Variants in SORBS2 observed in about 807,000 individuals in gnomAD.
SORBS2 encodes the protein sorbin and SH3 domain containing 2, also known as sorbin and SH3 domain-containing protein 2.
SORBS2 carries 46 observed loss-of-function variants against 97.7 expected under a neutral mutation model. The observed-to-expected ratio is 0.47, with a 90% CI of 0.37 to 0.60. The LOEUF (loss-of-function observed/expected upper bound fraction) is 0.60. SORBS2 is among the 20% of genes least tolerant of loss of function. SORBS2 has a pLI of 0.00. For missense variants in SORBS2, 1,316 were observed against 1,282.3 expected (o/e 1.03, Z -0.40); for synonymous variants, 476 against 473.4 (o/e 1.01, Z -0.07).
intron 1 of SORBS2, chr4:185,919,604 C>T (rs1319029190): frequency 6.6e-6 from 1 of 152,124 alleles, no homozygotes; most frequent in Non-Finnish European, 1.5e-5. Context: ...ACTCTAATTT[C>T]ACCTCTGGAA....
At chr4:185,763,145 C>T (rs902416394) in intron 2 of SORBS2, among the ~76,000 whole-genome samples, 2 of 152,060 alleles carry the variant, frequency 1.3e-5, no homozygotes, top group Admixed American at 6.5e-5. Context: ...GCCGAGATTG[C>T]GCCACTGCAC....
At chr4:185,930,608 T>C (rs1356492958) in intron 1 of SORBS2, among the ~76,000 whole-genome samples, 1 of 151,782 alleles carries the variant, frequency 6.6e-6, no homozygotes, top group Non-Finnish European at 1.5e-5. Context: ...CTGGATAGAG[T>C]TTTAAACTGG....
chr4:185,791,178 CAT>C (rs756819602), intron 1 of SORBS2, among the ~76,000 whole-genome samples: 24 of 152,208 alleles, frequency 1.6e-4, no homozygotes, highest in Non-Finnish European at 2.6e-4. Context: ...ATTTTTGCCA[CAT>C]GTCACATTTT....
intron 1 of SORBS2, among the ~76,000 whole-genome samples, chr4:185,915,878 TAAG>T (rs1371363725): frequency 2.0e-5 from 3 of 152,238 alleles, no homozygotes; most frequent in South Asian, 2.1e-4. Context: ...GATCTTGCAA[TAAG>T]AAGGTTTGTA....
At chr4:185,665,394 T>G (rs1289667951) in intron 4 of SORBS2, among the ~76,000 whole-genome samples, 1 of 152,224 alleles carries the variant, frequency 6.6e-6, no homozygotes, top group African/African-American at 2.4e-5. Context: ...TTAAAATTTT[T>G]TGAAAAATTT....
intron 2 of SORBS2, among the ~76,000 whole-genome samples, chr4:185,706,072 A>G (rs1302375824): frequency 6.6e-6 from 1 of 152,160 alleles, no homozygotes. Flanking sequence ...TCTGAAGTGT[A>G]TTTTAAGAAG....
intron 2 of SORBS2, among the ~76,000 whole-genome samples, chr4:185,731,862 C>CTA (rs2098639221): frequency 5.2e-4 from 16 of 30,572 alleles, no homozygotes; most frequent in East Asian, 8.1e-4. Context: ...CTCTCTCTCT[C>CTA]TCTCTATATA....
At chr4:185,790,310 G>A (rs889700340) in intron 1 of SORBS2, among the ~76,000 whole-genome samples, 2 of 152,138 alleles carry the variant, frequency 1.3e-5, no homozygotes, top group African/African-American at 4.8e-5. Flanking sequence ...CAAAAATAAT[G>A]ATGTATTATT....
chr4:185,682,015 T>C (rs1355116152), intron 2 of SORBS2, among the ~76,000 whole-genome samples: 1 of 152,246 alleles, frequency 6.6e-6, no homozygotes, highest in East Asian at 1.9e-4. Context: ...TATTTTAAAA[T>C]GTTGATTAAA....
intron 1 of SORBS2, among the ~76,000 whole-genome samples, chr4:185,926,254 A>T (rs1204023511): frequency 1.3e-5 from 2 of 152,224 alleles, no homozygotes; most frequent in African/African-American, 4.8e-5. Context: ...CCGTGGTAAG[A>T]GGCTACAGCA....
intron 1 of SORBS2, among the ~76,000 whole-genome samples, chr4:185,806,887 CT>C (rs1223464493): frequency 6.6e-6 from 1 of 152,150 alleles, no homozygotes; most frequent in Non-Finnish European, 1.5e-5. Flanking sequence ...TATGTTGCCC[CT>C]GTCCTCAAAT....
At chr4:185,939,877 G>A (rs1488267855) in intron 1 of SORBS2, among the ~76,000 whole-genome samples, 1 of 152,062 alleles carries the variant, frequency 6.6e-6, no homozygotes, top group East Asian at 1.9e-4. Context: ...TCATCCCCAT[G>A]CCCCCAGTGA....
intron 2 of SORBS2, among the ~76,000 whole-genome samples, chr4:185,727,415 ATT>A (rs1434228946): frequency 6.6e-6 from 1 of 152,202 alleles, no homozygotes; most frequent in African/African-American, 2.4e-5. Context: ...AAATTTGGTA[ATT>A]GACTTTTTAA....
At chr4:185,667,641 C>A (rs1289931803) in intron 4 of SORBS2, among the ~76,000 whole-genome samples, 1 of 148,878 alleles carries the variant, frequency 6.7e-6, no homozygotes, top group East Asian at 1.9e-4. Flanking sequence ...CCTAATCTTA[C>A]TTAATATGAT....
At chr4:185,869,969 T>C (rs2099229472) in intron 1 of SORBS2, among the ~76,000 whole-genome samples, 1 of 152,248 alleles carries the variant, frequency 6.6e-6, no homozygotes, top group Non-Finnish European at 1.5e-5. Context: ...CTTTTATGTA[T>C]ATAAGTTTAA....
At chr4:185,709,320 T>TTTTTTTTTTTTTTTTTTTTTTC (rs1181008953) in intron 2 of SORBS2, among the ~76,000 whole-genome samples, 21 of 140,966 alleles carry the variant, frequency 1.5e-4, no homozygotes, top group African/African-American at 5.0e-4. Flanking sequence ...TTTTTTTTTT[T>TTTTTTTTTTTTTTTTTTTTTTC]TTTTAGTAAA....
At chr4:185,790,715 C>T (rs2099076250) in intron 1 of SORBS2, among the ~76,000 whole-genome samples, 2 of 152,180 alleles carry the variant, frequency 1.3e-5, no homozygotes, top group African/African-American at 4.8e-5. Flanking sequence ...GTCCATTGGT[C>T]TGATAAGAAA....
chr4:185,653,908 A>T (rs2097354236), intron 1 of SORBS2, among the ~76,000 whole-genome samples: 3 of 152,170 alleles, frequency 2.0e-5, no homozygotes, highest in African/African-American at 7.2e-5. Flanking sequence ...CGATTTAAAA[A>T]CTTCTGTTAG....
chr4:185,661,923 T>A (rs2097528609), upstream of SORBS2, among the ~76,000 whole-genome samples: 1 of 152,154 alleles, frequency 6.6e-6, no homozygotes, highest in African/African-American at 2.4e-5. Flanking sequence ...GGAGACATGG[T>A]CTTGGAATAG....
Sources: gnomAD v4.1 joint callset for allele counts (sites outside exome capture counted in the v4.1 genomes callset) on GRCh38, gnomAD v4.1.1 for gene constraint, MANE v1.5 for transcripts, NCBI Gene and HGNC (gene_info 2026-07-23, HGNC 2026-07-21) for gene names.